Variants in MAD1L1 observed in about 807,000 individuals in gnomAD.
MAD1L1 encodes the protein mitotic arrest deficient 1 like 1.
A neutral mutation model predicts 96.9 loss-of-function variants in MAD1L1; 95 were observed. That is an observed-to-expected ratio of 0.98 (90% CI 0.83 to 1.16). The LOEUF (loss-of-function observed/expected upper bound fraction) is 1.16, where lower values mean the gene tolerates loss of function less well. Ranked by LOEUF, MAD1L1 falls within the 50% of genes most tolerant of loss-of-function variation. The pLI is 0.00. For synonymous variants in MAD1L1, 473 were observed against 396.6 expected (o/e 1.19, Z -2.29); for missense variants, 1,007 against 954.4 (o/e 1.06, Z -0.73).
intron 18 of MAD1L1, among the ~76,000 whole-genome samples, chr7:1,839,487 G>A (rs912767888): frequency 3.9e-5 from 6 of 152,208 alleles, no homozygotes; most frequent in Non-Finnish European, 5.9e-5. Context: ...CAGCCTGTTC[G>A]CTTCCGAGTG....
At chr7:2,155,072 C>T (rs1383544586) in intron 10 of MAD1L1, among the ~76,000 whole-genome samples, 2 of 152,140 alleles carry the variant, frequency 1.3e-5, no homozygotes, top group East Asian at 1.9e-4. Flanking sequence ...GCACGGGAGC[C>T]GGAGAGCCGC....
rs775210892 is a variant in MAD1L1 at position 2,069,334 on chromosome 7, G to A, written c.1078C>T (p.Arg360Trp). Residue 360 changes from arginine (R) to tryptophan (W), a missense_variant, in exon 12 of 19, where the codon CGG (arginine) becomes TGG (tryptophan). Arg to Trp is a moderately radical substitution (Grantham distance 101). Transcript: ENST00000265854. ...DKNSAVTSSA[R>W]GLEKARQQLQ... Reference sequence around the variant, plus strand: ...TGCTGCCTGGCCTTCTCCAGCCCCCGGGCGCTGCATGGGAGAGACAAGAGG... The same window carrying A: ...TGCTGCCTGGCCTTCTCCAGCCCCCAGGCGCTGCATGGGAGAGACAAGAGG... The A allele has an allele frequency of 2.2e-5, 35 of 1,595,418 alleles. No individual in the cohort carries two copies. Among genetic ancestry groups the A allele is most frequent in the African/African-American group, 1.5e-4 (11 of 74,394 alleles).
intron 11 of MAD1L1, among the ~76,000 whole-genome samples, chr7:2,109,258 C>T (rs947748832): frequency 2.0e-5 from 3 of 152,248 alleles, no homozygotes; most frequent in African/African-American, 7.2e-5. Context: ...TCGGCTTCTT[C>T]TTCAGGCCAC....
chr7:1,973,005 C>CA (rs1780472874), intron 15 of MAD1L1, among the ~76,000 whole-genome samples: 1 of 152,306 alleles, frequency 6.6e-6, no homozygotes, highest in African/African-American at 2.4e-5. Flanking sequence ...TCATTACACT[C>CA]AGAGCACACA....
At chr7:1,939,243 G>A (rs1246245773) in intron 16 of MAD1L1, among the ~76,000 whole-genome samples, 13 of 137,264 alleles carry the variant, frequency 9.5e-5, no homozygotes, top group African/African-American at 3.0e-4. Context: ...ACACACACAC[G>A]GGCCAGGGCC....
chr7:1,937,574 G>A (rs866957916), intron 16 of MAD1L1, among the ~76,000 whole-genome samples: 2 of 151,808 alleles, frequency 1.3e-5, no homozygotes, highest in South Asian at 2.1e-4. Context: ...CCACAGCAGG[G>A]GACAGCCGCC....
At chr7:2,016,562 C>G (rs1782550437) in intron 12 of MAD1L1, among the ~76,000 whole-genome samples, 1 of 152,172 alleles carries the variant, frequency 6.6e-6, no homozygotes, top group Non-Finnish European at 1.5e-5. Context: ...CTGCCTGGCC[C>G]CTGCCAGGCC....
At chr7:2,101,845 G>A (rs1373945331) in intron 11 of MAD1L1, among the ~76,000 whole-genome samples, 1 of 152,060 alleles carries the variant, frequency 6.6e-6, no homozygotes, top group African/African-American at 2.4e-5. Context: ...CACCATCACA[G>A]CCCAAGCTGG....
intron 5 of MAD1L1, among the ~76,000 whole-genome samples, chr7:2,219,933 G>A (rs542034966): frequency 7.5e-4 from 114 of 152,222 alleles, no homozygotes; most frequent in African/African-American, 2.4e-3. Flanking sequence ...AGATGGGCCC[G>A]GACTCTCAGG....
intron 18 of MAD1L1, among the ~76,000 whole-genome samples, chr7:1,893,815 G>A (rs1786702655): frequency 6.6e-6 from 1 of 152,212 alleles, no homozygotes; most frequent in Admixed American, 6.5e-5. Context: ...GAGCTGCCCG[G>A]GACAAGGTGA....
At chr7:2,007,280 C>T (rs561428087) in intron 13 of MAD1L1, among the ~76,000 whole-genome samples, 62 of 152,370 alleles carry the variant, frequency 4.1e-4, no homozygotes, top group South Asian at 6.2e-4. Flanking sequence ...CCGACAGTGC[C>T]ACAGCGGAGC....
chr7:2,121,778 G>A (rs903688278), intron 11 of MAD1L1, among the ~76,000 whole-genome samples: 23 of 152,132 alleles, frequency 1.5e-4, no homozygotes, highest in African/African-American at 5.1e-4. Context: ...CTCCCTCGCA[G>A]GCCTGTGAGG....
intron 11 of MAD1L1, among the ~76,000 whole-genome samples, chr7:2,144,945 G>C (rs966005456): frequency 1.3e-5 from 2 of 152,182 alleles, no homozygotes; most frequent in African/African-American, 4.8e-5. Flanking sequence ...AGTGACCAAT[G>C]ACGCCCCATC....
intron 17 of MAD1L1, among the ~76,000 whole-genome samples, chr7:1,904,404 TC>T (rs1787485630): frequency 7.1e-6 from 1 of 141,386 alleles, no homozygotes; most frequent in Non-Finnish European, 1.5e-5. Context: ...GAAGCACTGT[TC>T]CAGGCAGTGA....
rs2128552293 is a variant in MAD1L1 at position 2,103,269 on chromosome 7, C to T, written c.1074-33931G>A. On this transcript the variant is annotated intron_variant, in intron 11 of 18. Coordinates refer to ENST00000265854, the MANE Select transcript of MAD1L1 (RefSeq NM_001013836.2). This position sits in a 1 kb window ranked among gnomAD's most constrained non-coding sequence, Gnocchi z 4.3. ...GGCCACGCTGAGGGCCGGGTCGCAG[C>T]CCAAGCCATGGCTGCCCCGACGGGC... Among the ~76,000 whole-genome samples, 1 of 152,284 alleles carries T rather than the reference C, an allele frequency of 6.6e-6. No homozygotes were observed. Among genetic ancestry groups the T allele is most frequent in the East Asian group, 1.9e-4 (1 of 5,152 alleles).
At chr7:2,038,026 G>T (rs1176971547) in intron 12 of MAD1L1, among the ~76,000 whole-genome samples, 1 of 152,180 alleles carries the variant, frequency 6.6e-6, no homozygotes, top group African/African-American at 2.4e-5. Flanking sequence ...GTTCTTGGAG[G>T]AAATTAAAAG....
chr7:1,944,139 T>C (rs536149659), intron 16 of MAD1L1, among the ~76,000 whole-genome samples: 1 of 152,222 alleles, frequency 6.6e-6, no homozygotes, highest in South Asian at 2.1e-4. Flanking sequence ...CGGGACTCCC[T>C]TTCCAGGAAA....
intron 12 of MAD1L1, among the ~76,000 whole-genome samples, chr7:2,036,704 T>C (rs1405220999): frequency 1.3e-5 from 2 of 152,044 alleles, no homozygotes; most frequent in African/African-American, 4.8e-5. Flanking sequence ...AACCCAGACG[T>C]GTGCCTGTCC....
At chr7:2,211,705 C>G (rs576408120) in intron 10 of MAD1L1, among the ~76,000 whole-genome samples, 12 of 152,246 alleles carry the variant, frequency 7.9e-5, no homozygotes, top group Non-Finnish European at 1.5e-4. Flanking sequence ...CAAGAGGAGA[C>G]AGCAGCCCGG....
Sources: allele counts gnomAD v4.1 joint callset (sites outside exome capture counted in the v4.1 genomes callset), GRCh38; gene constraint gnomAD v4.1.1; non-coding constraint Gnocchi (gnomAD v3.1); transcripts MANE v1.5; gene names NCBI Gene and HGNC (gene_info 2026-07-23, HGNC 2026-07-21).